The following SUSD6 variants were observed in gnomAD, a reference collection of about 807,000 sequenced individuals.
SUSD6 encodes sushi domain containing 6.
Under a neutral mutation model 28.4 loss-of-function variants are expected in SUSD6, and 16 were observed. That is an observed-to-expected ratio of 0.56 (90% CI 0.38 to 0.86). The LOEUF (loss-of-function observed/expected upper bound fraction) is 0.86. SUSD6 is among the 40% of genes least tolerant of loss of function. The probability of loss-of-function intolerance (pLI) is 0.00; values close to 1 mark genes in which losing one functional copy is unlikely to be tolerated. For missense variants in SUSD6, 341 were observed against 384.2 expected, an observed-to-expected ratio of 0.89 and a Z score of 0.94; for synonymous variants, 147 against 159.6, an observed-to-expected ratio of 0.92 and a Z score of 0.59.
At chr14:69,644,255 G>A (rs553630804) in intron 1 of SUSD6, among the ~76,000 whole-genome samples, 1 of 152,104 alleles carries the variant, frequency 6.6e-6, no homozygotes, top group Non-Finnish European at 1.5e-5. Context: ...CCTGTCTGGA[G>A]GGAAATATCA....
chr14:69,611,918 C>T (rs1331869579), intron 1 of SUSD6, 90 bp downstream of exon 1: 2 of 151,332 alleles, frequency 1.3e-5, no homozygotes, highest in South Asian at 2.1e-4. Flanking sequence ...GACCAGCGCG[C>T]ACCGCCCAGG....
intron 2 of SUSD6, among the ~76,000 whole-genome samples, chr14:69,688,317 G>A (rs1324803330): frequency 6.6e-6 from 1 of 152,194 alleles, no homozygotes; most frequent in Non-Finnish European, 1.5e-5. Context: ...CCTTCAAAGT[G>A]TGTAGTGTTA....
chr14:69,657,770 G>C (rs1329071295), intron 1 of SUSD6, among the ~76,000 whole-genome samples: 6 of 151,988 alleles, frequency 3.9e-5, no homozygotes, highest in Non-Finnish European at 7.4e-5. Context: ...AAAGTCTTGA[G>C]CTCTGATACA....
chr14:69,674,798 G>A (rs1298403721), intron 2 of SUSD6, among the ~76,000 whole-genome samples: 1 of 152,058 alleles, frequency 6.6e-6, no homozygotes, highest in Admixed American at 6.6e-5. Flanking sequence ...CTATCTGAAG[G>A]GGCAAAACAA....
rs889564843 is a variant in SUSD6 at position 69,625,512 on chromosome 14, C to T, written c.-81+13684C>T. 4.6e-5 allele frequency among the ~76,000 whole-genome samples: 7 copies of T among 152,270 alleles called. No individual in the cohort carries two copies. The South Asian group carries it at 1.5e-3, about 32-fold the overall frequency. ...TGTCAGAGTGGGTGGCAGCAAACCA[C>T]GGAGGCTTCTCGGATGTGCAGACAG... On this transcript the variant is annotated intron_variant, in intron 1 of 5. Coordinates refer to ENST00000342745, the MANE Select transcript of SUSD6 (RefSeq NM_014734.4).
chr14:69,631,025 A>G (rs1885185575), intron 1 of SUSD6, among the ~76,000 whole-genome samples: 1 of 152,242 alleles, frequency 6.6e-6, no homozygotes, highest in South Asian at 2.1e-4. Context: ...TTCCTTAGCA[A>G]TTCAGGGGAC....
At chr14:69,613,135 T>A (rs1884906524) in intron 1 of SUSD6, among the ~76,000 whole-genome samples, 1 of 152,198 alleles carries the variant, frequency 6.6e-6, no homozygotes, top group South Asian at 2.1e-4. Flanking sequence ...TAAGCAGCAA[T>A]AATATGGAAA....
chr14:69,696,131 GC>G (rs767589192), intron 2 of SUSD6, among the ~76,000 whole-genome samples: 2 of 152,322 alleles, frequency 1.3e-5, no homozygotes, highest in African/African-American at 4.8e-5. Flanking sequence ...CTGATGCCCT[GC>G]CCCCCTCAGC....
At chr14:69,648,300 A>G (rs896900418) in intron 1 of SUSD6, among the ~76,000 whole-genome samples, 2 of 152,236 alleles carry the variant, frequency 1.3e-5, no homozygotes, top group African/African-American at 2.4e-5. Context: ...TGAAGTAGCT[A>G]TCACGCAGAG....
chr14:69,655,475 A>G (rs1359901274), intron 1 of SUSD6, among the ~76,000 whole-genome samples: 1 of 152,170 alleles, frequency 6.6e-6, no homozygotes, highest in Non-Finnish European at 1.5e-5. Context: ...GTTATTAACA[A>G]GTTGCTCTCC....
chr14:69,695,536 C>G (rs1057344407), intron 2 of SUSD6, among the ~76,000 whole-genome samples: 1 of 152,136 alleles, frequency 6.6e-6, no homozygotes, highest in Admixed American at 6.5e-5. Flanking sequence ...CCAGAGTCTA[C>G]GGGCAGTACC....
chr14:69,677,583 C>A (rs1885931894), intron 2 of SUSD6, among the ~76,000 whole-genome samples: 1 of 149,054 alleles, frequency 6.7e-6, no homozygotes. Context: ...TTTTACAGAC[C>A]TGTTTGGTAG....
intron 1 of SUSD6, among the ~76,000 whole-genome samples, chr14:69,646,100 G>A (rs148976369): frequency 6.6e-6 from 1 of 152,086 alleles, no homozygotes; most frequent in Non-Finnish European, 1.5e-5. Context: ...TCACCACTCC[G>A]ATAAAACTGT....
At chr14:69,655,326 A>G (rs1885565958) in intron 1 of SUSD6, among the ~76,000 whole-genome samples, 1 of 152,094 alleles carries the variant, frequency 6.6e-6, no homozygotes, top group African/African-American at 2.4e-5. Flanking sequence ...CTCCCCTTTC[A>G]TGAACTTTTA....
chr14:69,683,123 G>C (rs1309353203), intron 2 of SUSD6, among the ~76,000 whole-genome samples: 1 of 152,108 alleles, frequency 6.6e-6, no homozygotes, highest in Non-Finnish European at 1.5e-5. Context: ...TTCATGCTTT[G>C]ATGTGAGCTG....
chr14:69,670,567 C>T (rs888599754), intron 2 of SUSD6: 4 of 453,412 alleles, frequency 8.8e-6, no homozygotes, highest in African/African-American at 6.0e-5. Flanking sequence ...GAAGGCAGTG[C>T]CTTGGGCCAG....
intron 2 of SUSD6, among the ~76,000 whole-genome samples, chr14:69,682,140 T>A (rs533887837): frequency 6.6e-6 from 1 of 152,204 alleles, no homozygotes; most frequent in Admixed American, 6.5e-5. Context: ...AAGACCAGCC[T>A]GGGCAATACA....
chr14:69,651,511 A>C (rs1300960003), intron 1 of SUSD6, among the ~76,000 whole-genome samples: 2 of 152,188 alleles, frequency 1.3e-5, no homozygotes, highest in African/African-American at 4.8e-5. Flanking sequence ...TAGGAGCTGG[A>C]GATTAAAGGA....
At chr14:69,639,336 A>AG (rs1885315242) in intron 1 of SUSD6, among the ~76,000 whole-genome samples, 2 of 151,168 alleles carry the variant, frequency 1.3e-5, no homozygotes, top group African/African-American at 4.8e-5. Flanking sequence ...AAAAAAAAAA[A>AG]AAAGAAATAA....
Sources: allele counts gnomAD v4.1 joint callset (sites outside exome capture counted in the v4.1 genomes callset), GRCh38; gene constraint gnomAD v4.1.1; transcripts MANE v1.5; gene names NCBI Gene and HGNC (gene_info 2026-07-23, HGNC 2026-07-21).